AADAC: variants seen among roughly 807,000 people sequenced by gnomAD.
AADAC encodes the protein arylacetamide deacetylase.
In AADAC, 17 loss-of-function variants were observed where a neutral mutation model predicts 22.7. The observed-to-expected ratio is 0.75, with a 90% CI of 0.51 to 1.12. The LOEUF (loss-of-function observed/expected upper bound fraction) is 1.12, where lower values mean the gene tolerates loss of function less well. AADAC is among the 50% of genes most tolerant of loss of function. The pLI is 0.00. For synonymous variants in AADAC, 167 were observed against 176.3 expected, an observed-to-expected ratio of 0.95 and a Z score of 0.42; for missense variants, 465 against 473.9, an observed-to-expected ratio of 0.98 and a Z score of 0.17.
intron 1 of AADAC, among the ~76,000 whole-genome samples, chr3:151,814,697 G>A (rs939263251): frequency 1.3e-5 from 2 of 151,854 alleles, no homozygotes; most frequent in Non-Finnish European, 2.9e-5. Flanking sequence ...ACTTATCTTT[G>A]GGATTCAGAA....
intron 4 of AADAC, among the ~76,000 whole-genome samples, chr3:151,826,926 T>C (rs531754810): frequency 8.0e-4 from 122 of 151,994 alleles, no homozygotes; most frequent in African/African-American, 2.9e-3. Flanking sequence ...TAATAATATA[T>C]TTTTTTGAGA....
intron 3 of AADAC, among the ~76,000 whole-genome samples, chr3:151,823,178 T>G (rs1355926903): frequency 2.0e-5 from 3 of 151,750 alleles, no homozygotes; most frequent in Non-Finnish European, 4.4e-5. Context: ...CGCGGGAGGC[T>G]GAGGCAGGAG....
At chr3:151,819,508 T>C (rs1489808164) in intron 2 of AADAC, among the ~76,000 whole-genome samples, 1 of 151,994 alleles carries the variant, frequency 6.6e-6, no homozygotes, top group Non-Finnish European at 1.5e-5. Flanking sequence ...GACTTAGTTG[T>C]GAAATAAATA....
intron 3 of AADAC, among the ~76,000 whole-genome samples, chr3:151,823,460 AAAGACTCAGAAAGAC>A (rs1454369859): frequency 6.6e-6 from 1 of 151,954 alleles, no homozygotes; most frequent in Non-Finnish European, 1.5e-5. Flanking sequence ...AGTATAGGCG[AAAGACTCAGAAAGAC>A]AATTTACAGA....
rs777399931 is a variant in AADAC, at chr3:151,828,151, G to C, written c.1179G>C (p.Glu393Asp). ...ISHRLINQYI[E>D]WLKENL The stretch of plus-strand genomic sequence containing the variant: ...ACAGACTTATAAATCAGTATATTGA[G>C]TGGCTAAAGGAAAATCTATAGTAAA... Residue 393 changes from glutamate to aspartate, a missense_variant, in exon 5 of 5, where the codon GAG becomes GAC. Glu to Asp is a conservative substitution (Grantham distance 45, BLOSUM62 2). Coordinates refer to ENST00000232892, the MANE Select transcript of AADAC (RefSeq NM_001086.3). 1.9e-6 allele frequency: 3 copies of C among 1,550,374 alleles called. No individual in the cohort carries two copies. The South Asian group carries it at 3.6e-5, about 19-fold the overall frequency.
chr3:151,819,107 G>A (rs1259026263), intron 2 of AADAC, among the ~76,000 whole-genome samples: 1 of 97,758 alleles, frequency 1.0e-5, no homozygotes, highest in Non-Finnish European at 2.4e-5. Flanking sequence ...AAAGACAGAA[G>A]ATTAAAAAAA....
Position 151,827,765 on chromosome 3 carries a change from C to T in AADAC, c.793C>T (p.Leu265Phe). Residue 265 changes from leucine (L) to phenylalanine (F), a missense_variant, in exon 5 of 5, where the codon CTT becomes TTT. By Grantham distance (22) the Leu-to-Phe change is conservative (BLOSUM62 0). Coordinates refer to ENST00000232892, the MANE Select transcript of AADAC (RefSeq NM_001086.3). ...TGATAGATCACTTGAAAAAGCCATG[C>T]TTTCCAGACAACATGTACCTGTGGA... is the stretch of plus-strand genomic sequence containing the variant. ...TTDRSLEKAM[L>F]SRQHVPVESS... The T allele has an allele frequency of 6.2e-7, 1 of 1,613,262 alleles. No homozygotes were observed. Among genetic ancestry groups the T allele is most frequent in the South Asian group, 1.1e-5 (1 of 91,052 alleles).
Position 151,823,045 on chromosome 3 carries a change from C to T in AADAC, c.432-1618C>T, listed in dbSNP as rs142932949. Among the ~76,000 whole-genome samples, 467 of 151,702 alleles carry T rather than the reference C, an allele frequency of 3.1e-3. 6 individuals are homozygous for T. Among genetic ancestry groups the T allele is most frequent in the African/African-American group, 9.4e-3 (390 of 41,424 alleles). ...CTGTAATCCCAGCACTTTGGGAGGC[C>T]GAGGCAGGTGGATCATGAGATCAGG... On this transcript the variant is annotated intron_variant, in intron 3 of 4. Coordinates refer to ENST00000232892, the MANE Select transcript of AADAC (RefSeq NM_001086.3).
intron 3 of AADAC, among the ~76,000 whole-genome samples, chr3:151,821,993 T>C (rs1304453366): frequency 6.6e-6 from 1 of 151,840 alleles, no homozygotes; most frequent in African/African-American, 2.4e-5. Context: ...TTTATTTATA[T>C]TAAAGATGAA....
intron 2 of AADAC, among the ~76,000 whole-genome samples, chr3:151,817,996 T>G (rs1716063565): frequency 6.6e-6 from 1 of 152,024 alleles, no homozygotes; most frequent in Non-Finnish European, 1.5e-5. Context: ...CCCAGCACTT[T>G]GGGAGGCCAA....
At position 151,828,151 on chromosome 3, in the gene AADAC, G is replaced by A. The variant is rs777399931; in HGVS notation, c.1179G>A (p.Glu393=). ...ISHRLINQYI[E]WLKENL is the part of the protein sequence containing the mutation. Reference sequence around the variant, plus strand: ...ACAGACTTATAAATCAGTATATTGAGTGGCTAAAGGAAAATCTATAGTAAA... The same window carrying A: ...ACAGACTTATAAATCAGTATATTGAATGGCTAAAGGAAAATCTATAGTAAA... The change falls in exon 5 of 5, where the codon GAG becomes GAA. Residue 393 remains glutamate, a synonymous_variant. Coordinates refer to ENST00000232892, the MANE Select transcript of AADAC (RefSeq NM_001086.3). 2 of 1,550,374 alleles carry A rather than the reference G, an allele frequency of 1.3e-6. No homozygotes were observed. The highest frequency in any genetic ancestry group is 2.3e-5 in the East Asian group (1 of 43,886).
intron 3 of AADAC, 66 bp from the exon 4 acceptor site, chr3:151,824,597 C>A: frequency 7.9e-7 from 1 of 1,272,536 alleles, no homozygotes; most frequent in South Asian, 2.3e-5. Flanking sequence ...ACTTTTGCAC[C>A]AATAATATAT....
At chr3:151,825,976 T>C (rs1576646029) in intron 4 of AADAC, among the ~76,000 whole-genome samples, 1 of 149,342 alleles carries the variant, frequency 6.7e-6, no homozygotes, top group Admixed American at 6.8e-5. Context: ...TGGGATTATG[T>C]AGAAGTTAAG....
At chr3:151,827,170 G>A (rs574864831) in intron 4 of AADAC, among the ~76,000 whole-genome samples, 1 of 151,920 alleles carries the variant, frequency 6.6e-6, no homozygotes, top group Admixed American at 6.6e-5. Flanking sequence ...CTTCAGCCTT[G>A]CAAAGTTCTG....
At chr3:151,825,202 T>A (rs1442887532) in intron 4 of AADAC, among the ~76,000 whole-genome samples, 2 of 147,824 alleles carry the variant, frequency 1.4e-5, no homozygotes, top group Non-Finnish European at 3.0e-5. Context: ...TGAGACCCTG[T>A]CTCTACAAAA....
intron 1 of AADAC, 100 bp downstream of exon 1, chr3:151,814,400 TC>T (rs1274023612): frequency 3.2e-6 from 4 of 1,266,848 alleles, no homozygotes; most frequent in Non-Finnish European, 4.3e-6. Context: ...ATTGACTTAT[TC>T]ATCTTTTAAA....
In AADAC at chr3:151,827,563, T is replaced by C; in HGVS notation, c.604-13T>C. The C allele has an allele frequency of 6.8e-7, 1 of 1,477,680 alleles. No individual in the cohort carries two copies. Among genetic ancestry groups the C allele is most frequent in the South Asian group, 1.3e-5 (1 of 75,614 alleles). The allele number at this position is 1,477,680 out of a possible 1,614,324, so 91.5% of individuals were successfully genotyped here. A position where few individuals can be genotyped will look rare whatever the true frequency, so the allele number is the denominator to read the frequency against. On this transcript the variant is annotated splice_polypyrimidine_tract_variant and intron_variant, in intron 4 of 4. Transcript: ENST00000232892. ...AAATGAAAATGATTTGTGCAAATCA[T>C]CTTGCTTCTCAGCTCCTTGATGACC... is the stretch of plus-strand genomic sequence containing the variant.
Position 151,828,307 on chromosome 3 carries a change from GT to G in AADAC, c.*145del, listed in dbSNP as rs796279750. On this transcript the variant is annotated 3_prime_UTR_variant, in exon 5 of 5. Coordinates refer to ENST00000232892, the MANE Select transcript of AADAC (RefSeq NM_001086.3). Reference sequence around the variant, plus strand: ...ATAATTCTTAAATAGGCACTTTTCTGTTTTTTTTTTCTTACTGTGGGATTTC... The same window carrying G: ...ATAATTCTTAAATAGGCACTTTTCTGTTTTTTTTTCTTACTGTGGGATTTC... 214 of 407,960 alleles carry G rather than the reference GT, an allele frequency of 5.2e-4. No homozygotes were observed. The highest frequency in any genetic ancestry group is 2.4e-3 in the East Asian group (59 of 24,736). 25.3% of individuals were successfully genotyped at this position (407,960 alleles called of 1,614,324 possible).
intron 4 of AADAC, among the ~76,000 whole-genome samples, chr3:151,827,305 T>G (rs765098844): frequency 4.6e-5 from 7 of 151,994 alleles, no homozygotes; most frequent in Non-Finnish European, 8.8e-5. Flanking sequence ...TTTCTAATGA[T>G]CACTTAGATC....
Sources: gnomAD v4.1 joint callset for allele counts (sites outside exome capture counted in the v4.1 genomes callset) on GRCh38, gnomAD v4.1.1 for gene constraint, MANE v1.5 for transcripts, NCBI Gene and HGNC (gene_info 2026-07-23, HGNC 2026-07-21) for gene names.